The following SERPINI2 variants were observed in gnomAD, a reference collection of about 807,000 sequenced individuals.
The protein encoded by SERPINI2 is serpin I2.
A neutral mutation model predicts 47.3 loss-of-function variants in SERPINI2; 48 were observed. The ratio of observed to expected loss-of-function variants is 1.02; its 90% CI spans 0.81 to 1.29. SERPINI2 has a LOEUF of 1.29. Among genes scored for constraint, SERPINI2 ranks in the 50% most tolerant of loss-of-function variants. SERPINI2 has a pLI of 0.00. For missense variants in SERPINI2, 448 were observed against 456.9 expected, an observed-to-expected ratio of 0.98 and a Z score of 0.18; for synonymous variants, 135 against 149.3, an observed-to-expected ratio of 0.90 and a Z score of 0.70.
chr3:167,467,026 A>C (rs1400689797), intron 3 of SERPINI2, 29 bp downstream of exon 3: 1 of 1,516,446 alleles, frequency 6.6e-7, no homozygotes, highest in Middle Eastern at 1.7e-4. Context: ...AATGGCAAAT[A>C]ATAATTTTAT....
At chr3:167,456,928 A>G (rs1749810447) in intron 5 of SERPINI2, among the ~76,000 whole-genome samples, 1 of 152,222 alleles carries the variant, frequency 6.6e-6, no homozygotes, top group Non-Finnish European at 1.5e-5. Context: ...CAACACTAAG[A>G]GGCATGTGTT....
intron 5 of SERPINI2, among the ~76,000 whole-genome samples, chr3:167,453,267 A>ATTTT (rs146628314): frequency 0.053 from 8,028 of 151,358 alleles, 676 homozygotes; most frequent in African/African-American, 0.18. Flanking sequence ...CAGAAATTGC[A>ATTTT]TTTTTTTTTG....
chr3:167,458,605 A>G (rs961658255), intron 5 of SERPINI2, among the ~76,000 whole-genome samples: 2 of 151,950 alleles, frequency 1.3e-5, no homozygotes, highest in African/African-American at 4.8e-5. Flanking sequence ...ATTCCATTTT[A>G]TCAATAGGTG....
At chr3:167,455,901 T>C (rs2108159603) in intron 5 of SERPINI2, among the ~76,000 whole-genome samples, 1 of 152,150 alleles carries the variant, frequency 6.6e-6, no homozygotes, top group African/African-American at 2.4e-5. Context: ...AGGGGGAAAT[T>C]TGCCCCCATG....
At chr3:167,449,720 T>A (rs1749592464) in intron 6 of SERPINI2, among the ~76,000 whole-genome samples, 1 of 152,154 alleles carries the variant, frequency 6.6e-6, no homozygotes. Flanking sequence ...CCCGAACTCC[T>A]GACCTCAGGT....
At chr3:167,450,366 G>C (rs150389510) in intron 6 of SERPINI2, among the ~76,000 whole-genome samples, 6 of 152,222 alleles carry the variant, frequency 3.9e-5, no homozygotes, top group African/African-American at 1.4e-4. Flanking sequence ...AAGCGTTTCT[G>C]GTAGAGTGAA....
chr3:167,461,034 C>T (rs1349093539), intron 5 of SERPINI2, among the ~76,000 whole-genome samples: 1 of 152,016 alleles, frequency 6.6e-6, no homozygotes, highest in Non-Finnish European at 1.5e-5. Flanking sequence ...CTGAAGTGTT[C>T]TAGAAATATA....
intron 2 of SERPINI2, among the ~76,000 whole-genome samples, chr3:167,468,042 C>A (rs1049999209): frequency 6.6e-6 from 1 of 152,098 alleles, no homozygotes; most frequent in African/African-American, 2.4e-5. Flanking sequence ...GAACTCTACC[C>A]TGATATTAGG....
intron 8 of SERPINI2, among the ~76,000 whole-genome samples, chr3:167,443,177 C>A (rs1052715289): frequency 1.3e-5 from 2 of 152,078 alleles, no homozygotes; most frequent in Admixed American, 1.3e-4. Flanking sequence ...GCGGGATCTC[C>A]GCTCATTGCA....
chr3:167,442,996 G>C (rs1435133166), intron 8 of SERPINI2, among the ~76,000 whole-genome samples: 8 of 152,138 alleles, frequency 5.3e-5, no homozygotes, highest in African/African-American at 1.7e-4. Flanking sequence ...ATAATAGTGG[G>C]ACGGCCCTTT....
At chr3:167,461,861 C>T (rs1439787749) in intron 5 of SERPINI2, among the ~76,000 whole-genome samples, 2 of 151,902 alleles carry the variant, frequency 1.3e-5, no homozygotes, top group African/African-American at 2.4e-5. Context: ...CTCAGGAGAT[C>T]CTCCTGCCTT....
At chr3:167,451,633 CT>C (rs1749643551) in intron 6 of SERPINI2, among the ~76,000 whole-genome samples, 1 of 152,120 alleles carries the variant, frequency 6.6e-6, no homozygotes, top group Non-Finnish European at 1.5e-5. Context: ...GGGTCATTTT[CT>C]TGAATAAAGT....
intron 5 of SERPINI2, among the ~76,000 whole-genome samples, chr3:167,458,720 A>G (rs535736539): frequency 1.3e-5 from 2 of 152,256 alleles, no homozygotes; most frequent in South Asian, 4.1e-4. Flanking sequence ...ACACTTTCTA[A>G]TAAGTATCAA....
chr3:167,444,835 G>A (rs1172834890), intron 8 of SERPINI2, among the ~76,000 whole-genome samples: 1 of 152,078 alleles, frequency 6.6e-6, no homozygotes, highest in African/African-American at 2.4e-5. Context: ...AACTTTTGCT[G>A]CTGTTTTACT....
intron 7 of SERPINI2, among the ~76,000 whole-genome samples, chr3:167,448,554 G>A (rs1337436974): frequency 9.2e-5 from 14 of 151,800 alleles, no homozygotes; most frequent in African/African-American, 3.1e-4. Context: ...ATGGAGTCTC[G>A]CTCTGTTGCC....
At chr3:167,455,735 AG>A (rs1429657351) in intron 5 of SERPINI2, among the ~76,000 whole-genome samples, 1 of 152,212 alleles carries the variant, frequency 6.6e-6, no homozygotes, top group East Asian at 1.9e-4. Flanking sequence ...GTTGGTTACC[AG>A]GGAGGTATCA....
chr3:167,455,602 AAAAAG>A (rs1553855172), intron 5 of SERPINI2, among the ~76,000 whole-genome samples: 238 of 150,914 alleles, frequency 1.6e-3, no homozygotes, highest in African/African-American at 3.4e-3. Context: ...TCAAAAAAAA[AAAAAG>A]AAAAGAAAAG....
chr3:167,445,281 C>A (rs200197096), intron 8 of SERPINI2, among the ~76,000 whole-genome samples: 1 of 152,244 alleles, frequency 6.6e-6, no homozygotes, highest in Middle Eastern at 3.4e-3. Context: ...TTAACTATGT[C>A]TCTTCTCCCT....
Position 167,457,190 on chromosome 3 carries a change from A to G in SERPINI2, c.867-4157T>C, listed in dbSNP as rs536298343. On this transcript the variant is annotated intron_variant, in intron 5 of 8. Coordinates refer to ENST00000264677, the Ensembl canonical transcript of SERPINI2. ...TAGAACTGTAGTGCTTAACAAGTTT[A>G]AAGGCCGAGATTTCCAAAAATTCAG... Among the ~76,000 whole-genome samples the G allele has an allele frequency of 3.9e-5, 6 of 152,334 alleles. No homozygotes were observed. The South Asian group carries it at 1.2e-3, about 32-fold the overall frequency.
Sources: gnomAD v4.1 joint callset for allele counts (sites outside exome capture counted in the v4.1 genomes callset) on GRCh38, gnomAD v4.1.1 for gene constraint, MANE v1.5 for transcripts, NCBI Gene and HGNC (gene_info 2026-07-23, HGNC 2026-07-21) for gene names.